WDPCP: variants seen among roughly 807,000 people sequenced by gnomAD.
WDPCP encodes WD repeat-containing and planar cell polarity effector protein fritz homolog.
Under a neutral mutation model 93.1 loss-of-function variants are expected in WDPCP, and 71 were observed. That is an observed-to-expected ratio of 0.76 (90% CI 0.63 to 0.93). The LOEUF (loss-of-function observed/expected upper bound fraction) is 0.93. Ranked by LOEUF, WDPCP falls within the 40% of genes least tolerant of loss-of-function variation. WDPCP has a pLI of 0.00. For synonymous variants in WDPCP, 315 were observed against 315.0 expected, an observed-to-expected ratio of 1.00 and a Z score of 0.00; for missense variants, 844 against 887.4, an observed-to-expected ratio of 0.95 and a Z score of 0.62.
intron 6 of WDPCP, among the ~76,000 whole-genome samples, chr2:63,483,954 C>G (rs548448491): frequency 6.6e-6 from 1 of 152,104 alleles, no homozygotes; most frequent in Non-Finnish European, 1.5e-5. Context: ...TAGGCCTTAA[C>G]ACTATTGTCC....
intron 2 of WDPCP, among the ~76,000 whole-genome samples, chr2:63,665,263 A>G (rs549176809): frequency 2.4e-4 from 37 of 152,264 alleles, no homozygotes; most frequent in Admixed American, 5.2e-4. Context: ...TCTTCTGAAA[A>G]CTGTGAGGGA....
At chr2:63,457,782 C>T (rs2105720201) in intron 6 of WDPCP, among the ~76,000 whole-genome samples, 1 of 152,188 alleles carries the variant, frequency 6.6e-6, no homozygotes, top group East Asian at 1.9e-4. Flanking sequence ...TCTCAACAAA[C>T]TAGGCATAGA....
At chr2:63,574,753 G>C (rs990546463) in intron 1 of WDPCP, among the ~76,000 whole-genome samples, 2 of 152,138 alleles carry the variant, frequency 1.3e-5, no homozygotes, top group South Asian at 4.1e-4. Flanking sequence ...TTGTCCATTT[G>C]TCTGTCATTG....
At chr2:63,182,295 CT>C (rs1553551073) in intron 14 of WDPCP, among the ~76,000 whole-genome samples, 1 of 151,934 alleles carries the variant, frequency 6.6e-6, no homozygotes, top group Non-Finnish European at 1.5e-5. Context: ...TCATATATTG[CT>C]TTTATTATTT....
chr2:63,720,884 G>T (rs1669405342), intron 2 of WDPCP, among the ~76,000 whole-genome samples: 1 of 152,178 alleles, frequency 6.6e-6, no homozygotes, highest in South Asian at 2.1e-4. Context: ...AAATTACCTT[G>T]TACATTTTTA....
chr2:63,470,823 CA>C (rs1166649369), intron 6 of WDPCP, among the ~76,000 whole-genome samples: 1 of 152,124 alleles, frequency 6.6e-6, no homozygotes, highest in Non-Finnish European at 1.5e-5. Context: ...TTGCTCATTT[CA>C]CCCCACTCAT....
At chr2:63,429,035 G>C (rs1029201324) in intron 9 of WDPCP, among the ~76,000 whole-genome samples, 1 of 152,070 alleles carries the variant, frequency 6.6e-6, no homozygotes, top group African/African-American at 2.4e-5. Context: ...CAACCATCTT[G>C]TTCTTCAACA....
At chr2:63,631,195 C>T (rs1709861971) in intron 3 of WDPCP, among the ~76,000 whole-genome samples, 1 of 152,010 alleles carries the variant, frequency 6.6e-6, no homozygotes, top group Non-Finnish European at 1.5e-5. Context: ...GCAGGAGAAT[C>T]ACTTGAATCC....
At chr2:63,752,008 C>G in intron 2 of WDPCP, 1 of 626,906 alleles carries the variant, frequency 1.6e-6, no homozygotes, top group Non-Finnish European at 3.0e-6. Context: ...TCCACTGAAA[C>G]AACCTCCACA....
chr2:63,536,549 T>C (rs1385631073), intron 1 of WDPCP, among the ~76,000 whole-genome samples: 1 of 152,188 alleles, frequency 6.6e-6, no homozygotes. Context: ...GATGAGGTCA[T>C]GTCCTTTGTA....
At chr2:63,736,383 A>T (rs978749014) in intron 2 of WDPCP, among the ~76,000 whole-genome samples, 1 of 152,242 alleles carries the variant, frequency 6.6e-6, no homozygotes, top group African/African-American at 2.4e-5. Context: ...CTTATCAGGT[A>T]TCATAAAACA....
chr2:63,522,193 C>A (rs1160755357), intron 1 of WDPCP, among the ~76,000 whole-genome samples: 3 of 151,926 alleles, frequency 2.0e-5, no homozygotes, highest in South Asian at 2.1e-4. Context: ...AGCCCCCCAC[C>A]CCCCGGCAGG....
chr2:63,492,341 C>T (rs1700932650), intron 2 of WDPCP, among the ~76,000 whole-genome samples: 1 of 151,894 alleles, frequency 6.6e-6, no homozygotes, highest in African/African-American at 2.4e-5. Flanking sequence ...TGAAAATAAT[C>T]GTACATCTTA....
At chr2:63,352,999 T>C (rs1249697858) in intron 12 of WDPCP, among the ~76,000 whole-genome samples, 1 of 152,168 alleles carries the variant, frequency 6.6e-6, no homozygotes, top group Non-Finnish European at 1.5e-5. Context: ...ATACTCACAT[T>C]GGGACTAATC....
intron 13 of WDPCP, among the ~76,000 whole-genome samples, chr2:63,293,587 A>T (rs1441984839): frequency 6.6e-6 from 1 of 152,230 alleles, no homozygotes; most frequent in African/African-American, 2.4e-5. Context: ...ACTAGACTGT[A>T]AAACAGCTGT....
intron 13 of WDPCP, among the ~76,000 whole-genome samples, chr2:63,260,562 A>T (rs1316264687): frequency 3.3e-5 from 5 of 152,116 alleles, no homozygotes; most frequent in African/African-American, 1.2e-4. Context: ...TTATTAATTT[A>T]TTTTTTGAGA....
intron 6 of WDPCP, among the ~76,000 whole-genome samples, chr2:63,449,735 C>A (rs1313275092): frequency 1.3e-5 from 2 of 152,008 alleles, no homozygotes; most frequent in Non-Finnish European, 2.9e-5. Flanking sequence ...TGGACCCTAC[C>A]CCAGACAGAA....
intron 1 of WDPCP, among the ~76,000 whole-genome samples, chr2:63,542,324 T>A (rs1159508312): frequency 6.6e-6 from 1 of 152,076 alleles, no homozygotes; most frequent in Non-Finnish European, 1.5e-5. Context: ...CTAAACTAAA[T>A]TAAGTATTCA....
At chr2:63,789,008 A>T (rs1670507734) in intron 2 of WDPCP, among the ~76,000 whole-genome samples, 1 of 152,212 alleles carries the variant, frequency 6.6e-6, no homozygotes, top group Admixed American at 6.5e-5. Context: ...CAGCCTCCTG[A>T]GTAGCTGGAA....
Sources: gnomAD v4.1 joint callset for allele counts (sites outside exome capture counted in the v4.1 genomes callset) on GRCh38, gnomAD v4.1.1 for gene constraint, MANE v1.5 for transcripts, NCBI Gene and HGNC (gene_info 2026-07-23, HGNC 2026-07-21) for gene names.